The following DLG2 variants were observed in gnomAD, a reference collection of about 807,000 sequenced individuals.
The protein encoded by DLG2 is discs large MAGUK scaffold protein 2.
A neutral mutation model predicts 132.5 loss-of-function variants in DLG2; 45 were observed. The ratio of observed to expected loss-of-function variants is 0.34; its 90% CI spans 0.27 to 0.44. The LOEUF (loss-of-function observed/expected upper bound fraction) is 0.44, where lower values mean the gene tolerates loss of function less well. DLG2 is among the 20% of genes least tolerant of loss of function. The pLI is 1.00. For missense variants in DLG2, 1,045 were observed against 1,196.9 expected, an observed-to-expected ratio of 0.87 and a Z score of 1.87; for synonymous variants, 424 against 419.6, an observed-to-expected ratio of 1.01 and a Z score of -0.13.
chr11:84,226,782 T>C (rs1022243821), intron 8 of DLG2, among the ~76,000 whole-genome samples: 1 of 152,080 alleles, frequency 6.6e-6, no homozygotes, highest in South Asian at 2.1e-4. Context: ...ATGTGATGTG[T>C]GCAAGTTTAA....
chr11:83,991,015 T>C (rs578156960), intron 11 of DLG2, among the ~76,000 whole-genome samples: 38 of 152,290 alleles, frequency 2.5e-4, no homozygotes, highest in African/African-American at 8.4e-4. Flanking sequence ...CTGTAGGAAC[T>C]GGTCTACACT....
At chr11:85,019,553 T>C (rs1480136463) in intron 6 of DLG2, among the ~76,000 whole-genome samples, 1 of 152,148 alleles carries the variant, frequency 6.6e-6, no homozygotes, top group Non-Finnish European at 1.5e-5. Context: ...ATGTGCCATG[T>C]TGGTGTGCTG....
intron 3 of DLG2, among the ~76,000 whole-genome samples, chr11:85,397,207 C>T (rs904099578): frequency 1.3e-5 from 2 of 152,098 alleles, no homozygotes; most frequent in Admixed American, 1.3e-4. Flanking sequence ...GAAATAAAAT[C>T]CTTTACAGAC....
intron 9 of DLG2, among the ~76,000 whole-genome samples, chr11:84,118,124 TG>T (rs1487338255): frequency 6.6e-6 from 1 of 152,236 alleles, no homozygotes. Context: ...CCCAAAGTGC[TG>T]GGATTACAAG....
rs2099588064 is a variant in DLG2, at chr11:84,607,588, T to C, written c.358-72857A>G. 3.3e-5 allele frequency among the ~76,000 whole-genome samples: 5 copies of C among 152,242 alleles called. No homozygotes were observed. The South Asian group carries it at 1.0e-3, about 32-fold the overall frequency. On this transcript the variant is annotated intron_variant, in intron 6 of 27. Transcript: ENST00000376104. ...TAAAGAGTCAGGTAAAGATTTCTAA[T>C]ATTCTAAATTCAGTTTACTCCTTTT...
intron 11 of DLG2, among the ~76,000 whole-genome samples, chr11:84,024,162 G>A (rs1234365859): frequency 6.6e-6 from 1 of 152,106 alleles, no homozygotes; most frequent in African/African-American, 2.4e-5. Flanking sequence ...TTCCTGCAAA[G>A]AGAAGTCTAG....
At position 83,823,214 on chromosome 11, in the gene DLG2, A is replaced by G. The variant is rs112783210; in HGVS notation, c.1722+10400T>C. Among the ~76,000 whole-genome samples the G allele has an allele frequency of 8.7e-3, 1,321 of 152,224 alleles. 29 individuals are homozygous for G. The highest frequency in any genetic ancestry group is 0.03 in the African/African-American group (1,237 of 41,508). Reference sequence around the variant, plus strand: ...TTCAGGAGGGATGATCAAGTCGATGATCACTCCTTCTTTAAAACTTGAGAA... The same window carrying G: ...TTCAGGAGGGATGATCAAGTCGATGGTCACTCCTTCTTTAAAACTTGAGAA... On this transcript the variant is annotated intron_variant, in intron 17 of 27. Coordinates refer to ENST00000376104, the MANE Select transcript of DLG2 (RefSeq NM_001142699.3).
At chr11:85,475,191 A>G (rs2093103676) in intron 3 of DLG2, among the ~76,000 whole-genome samples, 1 of 151,862 alleles carries the variant, frequency 6.6e-6, no homozygotes, top group Admixed American at 6.6e-5. Flanking sequence ...AAACAGAAGA[A>G]ATAAATAGAT....
chr11:84,166,993 G>A (rs190300103), intron 8 of DLG2: 63 of 533,170 alleles, frequency 1.2e-4, no homozygotes, highest in African/African-American at 2.3e-4. Context: ...TTTGGGGCCC[G>A]GAGAGCTTCA....
At chr11:84,429,906 T>C (rs2098978859) in intron 7 of DLG2, among the ~76,000 whole-genome samples, 1 of 152,218 alleles carries the variant, frequency 6.6e-6, no homozygotes, top group Non-Finnish European at 1.5e-5. Context: ...AACAAGGCTA[T>C]CTGGATACCT....
chr11:83,697,352 G>C (rs747938823), intron 18 of DLG2, among the ~76,000 whole-genome samples: 6 of 152,154 alleles, frequency 3.9e-5, no homozygotes, highest in Non-Finnish European at 8.8e-5. Context: ...TTACTTTTAT[G>C]TAAGAAGTCA....
At chr11:84,072,890 T>C (rs901669167) in intron 10 of DLG2, among the ~76,000 whole-genome samples, 25 of 152,130 alleles carry the variant, frequency 1.6e-4, no homozygotes, top group South Asian at 6.2e-4. Context: ...CCAGTGGCAG[T>C]CAGGATAAAG....
chr11:84,307,596 T>C (rs2098234567), intron 7 of DLG2, among the ~76,000 whole-genome samples: 1 of 148,180 alleles, frequency 6.7e-6, no homozygotes, highest in Admixed American at 6.8e-5. Context: ...CTCAGGGCCC[T>C]GAGGCAGGAG....
intron 21 of DLG2, among the ~76,000 whole-genome samples, chr11:83,505,779 G>C (rs902698270): frequency 3.9e-5 from 6 of 152,190 alleles, no homozygotes; most frequent in Non-Finnish European, 8.8e-5. Flanking sequence ...CTTCATGGCT[G>C]TCCTTCAGGG....
chr11:84,611,913 C>A (rs955258186), intron 6 of DLG2, among the ~76,000 whole-genome samples: 1 of 152,052 alleles, frequency 6.6e-6, no homozygotes, highest in Admixed American at 6.6e-5. Context: ...AGTGAGATTT[C>A]TTTTCAAAAA....
intron 7 of DLG2, among the ~76,000 whole-genome samples, chr11:84,291,578 C>T (rs2097998790): frequency 1.3e-5 from 2 of 152,016 alleles, no homozygotes; most frequent in East Asian, 1.9e-4. Flanking sequence ...AGTTTTTCTC[C>T]TCATGCAATG....
chr11:84,475,373 G>C (rs1166025735), intron 7 of DLG2, among the ~76,000 whole-genome samples: 1 of 151,974 alleles, frequency 6.6e-6, no homozygotes, highest in Non-Finnish European at 1.5e-5. Context: ...AGTTTAGAAA[G>C]AAAAAAAGCA....
At chr11:83,634,769 C>T (rs546126224) in intron 18 of DLG2, among the ~76,000 whole-genome samples, 46 of 152,130 alleles carry the variant, frequency 3.0e-4, no homozygotes, top group Middle Eastern at 3.4e-3. Flanking sequence ...AAAGATTTGA[C>T]CTTAGTTTTC....
At chr11:85,474,787 T>C (rs1344701912) in intron 3 of DLG2, among the ~76,000 whole-genome samples, 1 of 151,580 alleles carries the variant, frequency 6.6e-6, no homozygotes, top group Non-Finnish European at 1.5e-5. Context: ...CTTAATGTAA[T>C]TTATTAATTT....
Sources: gnomAD v4.1 joint callset for allele counts (sites outside exome capture counted in the v4.1 genomes callset) on GRCh38, gnomAD v4.1.1 for gene constraint, MANE v1.5 for transcripts, NCBI Gene and HGNC (gene_info 2026-07-23, HGNC 2026-07-21) for gene names.